Variants in COL5A2 observed in about 807,000 individuals in gnomAD.
COL5A2 encodes the protein collagen alpha-2(V) chain.
Under a neutral mutation model 208.2 loss-of-function variants are expected in COL5A2, and 23 were observed. The observed-to-expected ratio is 0.11, with a 90% CI of 0.08 to 0.16. The LOEUF is 0.16. COL5A2 is among the 10% of genes least tolerant of loss of function. The pLI, the probability that COL5A2 is intolerant of heterozygous loss-of-function variation, is 1.00. For missense variants in COL5A2, 1,590 were observed against 1,956.4 expected (o/e 0.81, Z 3.53); for synonymous variants, 625 against 628.5 (o/e 0.99, Z 0.08).
At chr2:189,236,383 C>T in the COL5A2 span, among the ~76,000 whole-genome samples, 3 of 151,602 alleles carry the variant, frequency 2.0e-5, no homozygotes, top group Admixed American at 2.0e-4. Flanking sequence ...AAATATATAT[C>T]GCAGAGTAGA....
chr2:189,414,160 G>A, the COL5A2 span, among the ~76,000 whole-genome samples: 1 of 152,032 alleles, frequency 6.6e-6, no homozygotes, highest in South Asian at 2.1e-4. Context: ...AGCACCATGA[G>A]GAATAAGGAA....
At chr2:189,059,104 A>C (rs1010126975) in intron 31 of COL5A2, among the ~76,000 whole-genome samples, 2 of 152,216 alleles carry the variant, frequency 1.3e-5, no homozygotes, top group African/African-American at 4.8e-5. Flanking sequence ...AAAACTTTGT[A>C]TTATACCTGA....
intron 1 of COL5A2, among the ~76,000 whole-genome samples, chr2:189,157,381 A>G (rs1272868814): frequency 6.6e-6 from 1 of 152,012 alleles, no homozygotes; most frequent in African/African-American, 2.4e-5. Flanking sequence ...AGAGTGGTAC[A>G]GAAGAATTTA....
chr2:189,131,443 A>G (rs1473221577), intron 1 of COL5A2, among the ~76,000 whole-genome samples: 3 of 152,204 alleles, frequency 2.0e-5, no homozygotes. Flanking sequence ...AAAATTTAAC[A>G]TTTGTTTAAT....
chr2:189,110,297 C>T lies in COL5A2; in HGVS notation c.250G>A (p.Asp84Asn), dbSNP rs745528957. ...CATTCCCCAGGGGGCGTTACAGGGT[C>T]GGCACAGTCCAGCACATCCTGGCAT... Reference protein sequence around the residue: ...IECQDVLDCADPVTPPGECCP... With the variant: ...IECQDVLDCANPVTPPGECCP... The change falls in exon 2 of 54, where the codon GAC (aspartate) becomes AAC (asparagine). Residue 84 changes from aspartate to asparagine, a missense_variant. Physicochemically the swap from Asp to Asn is conservative, Grantham distance 23. Coordinates refer to ENST00000374866, the MANE Select transcript of COL5A2 (RefSeq NM_000393.5). 2.4e-5 allele frequency: 39 copies of T among 1,613,950 alleles called. No individual in the cohort carries two copies. The highest frequency in any genetic ancestry group is 1.6e-4 in the Middle Eastern group (1 of 6,084).
At chr2:189,209,662 A>G (rs1689187342) in intron 1 of COL5A2, among the ~76,000 whole-genome samples, 1 of 152,224 alleles carries the variant, frequency 6.6e-6, no homozygotes, top group South Asian at 2.1e-4. Flanking sequence ...AGAAGCAACA[A>G]TATTTGGATG....
Position 189,202,901 on chromosome 2 carries a change from G to A in COL5A2, c.-42+22247C>T, listed in dbSNP as rs113344442. 4.1e-4 allele frequency among the ~76,000 whole-genome samples: 63 copies of A among 152,172 alleles called. No homozygotes were observed. In the Middle Eastern group the frequency reaches 0.01, roughly 25 times the overall value. Reference sequence around the variant, plus strand: ...ATGAACTTATTTATTCTTCAAAAGAGTTCTGCTTAACAGCTCATTCTTCCA... The same window carrying A: ...ATGAACTTATTTATTCTTCAAAAGAATTCTGCTTAACAGCTCATTCTTCCA... On this transcript the variant is annotated intron_variant, in intron 1 of 10. Transcript: ENST00000649966.
intron 8 of COL5A2, among the ~76,000 whole-genome samples, chr2:189,087,658 A>G (rs60414265): frequency 0.14 from 20,438 of 147,490 alleles, 1,440 homozygotes; most frequent in Middle Eastern, 0.2. Flanking sequence ...TAGTAGGGAC[A>G]GGGTTTCATC....
chr2:189,050,801 A>C, intron 42 of COL5A2, 125 bp from the exon 43 acceptor site: 1 of 763,224 alleles, frequency 1.3e-6, no homozygotes, highest in East Asian at 2.7e-5. Context: ...CTGTTTCTCA[A>C]AATCATACTG....
chr2:189,308,561 T>G, the COL5A2 span, among the ~76,000 whole-genome samples: 1 of 152,076 alleles, frequency 6.6e-6, no homozygotes, highest in South Asian at 2.1e-4. Context: ...AGAATTAACT[T>G]AGAGTCTGGC....
the COL5A2 span, among the ~76,000 whole-genome samples, chr2:189,391,814 A>T: frequency 6.6e-6 from 1 of 152,140 alleles, no homozygotes; most frequent in African/African-American, 2.4e-5. Flanking sequence ...ACATACTAAA[A>T]TTATTTGATT....
chr2:189,416,853 T>C, the COL5A2 span, among the ~76,000 whole-genome samples: 1 of 152,202 alleles, frequency 6.6e-6, no homozygotes, highest in Non-Finnish European at 1.5e-5. Flanking sequence ...CTCCTAATAT[T>C]CTTTGTCTTT....
chr2:189,210,606 TTCCATCAA>T (rs1689200635), intron 1 of COL5A2, among the ~76,000 whole-genome samples: 1 of 152,216 alleles, frequency 6.6e-6, no homozygotes, highest in Admixed American at 6.5e-5. Flanking sequence ...ATTCTCCAAA[TTCCATCAA>T]AGTGCTTTAG....
chr2:189,414,578 C>T, the COL5A2 span, among the ~76,000 whole-genome samples: 1 of 151,742 alleles, frequency 6.6e-6, no homozygotes, highest in Non-Finnish European at 1.5e-5. Flanking sequence ...GCAAAACCCC[C>T]GTCTCTACTA....
intron 1 of COL5A2, among the ~76,000 whole-genome samples, chr2:189,219,627 A>G (rs1000843192): frequency 1.3e-5 from 2 of 152,208 alleles, no homozygotes; most frequent in Non-Finnish European, 2.9e-5. Flanking sequence ...AGATAGAATT[A>G]TAGATCCCAC....
the COL5A2 span, among the ~76,000 whole-genome samples, chr2:189,261,145 C>G: frequency 6.6e-6 from 1 of 152,042 alleles, no homozygotes; most frequent in Non-Finnish European, 1.5e-5. Flanking sequence ...AACTCACAAT[C>G]AATATAATCA....
intron 1 of COL5A2, among the ~76,000 whole-genome samples, chr2:189,195,697 A>G (rs1208751736): frequency 6.6e-6 from 1 of 152,182 alleles, no homozygotes; most frequent in African/African-American, 2.4e-5. Flanking sequence ...CAAACCTGAC[A>G]AAAACAAGCA....
chr2:189,336,809 T>C, the COL5A2 span, among the ~76,000 whole-genome samples: 1 of 152,178 alleles, frequency 6.6e-6, no homozygotes, highest in East Asian at 1.9e-4. Context: ...TCAAAATCTT[T>C]GGAATTGTAA....
chr2:189,177,651 A>G (rs576069679), intron 1 of COL5A2, among the ~76,000 whole-genome samples: 33 of 152,170 alleles, frequency 2.2e-4, no homozygotes, highest in Admixed American at 1.0e-3. Flanking sequence ...TTTCTGTGCT[A>G]TTTGGTTATA....
Sources: gnomAD v4.1 joint callset for allele counts (sites outside exome capture counted in the v4.1 genomes callset) on GRCh38, gnomAD v4.1.1 for gene constraint, MANE v1.5 for transcripts, NCBI Gene and HGNC (gene_info 2026-07-23, HGNC 2026-07-21) for gene names.